Variants in EWSR1 observed in about 807,000 individuals in gnomAD.
EWSR1 encodes the protein RNA-binding protein EWS.
A neutral mutation model predicts 92.1 loss-of-function variants in EWSR1; 14 were observed. That is an observed-to-expected ratio of 0.15 (90% CI 0.10 to 0.24). The LOEUF is 0.24. Ranked by LOEUF, EWSR1 falls within the 10% of genes least tolerant of loss-of-function variation. The probability of loss-of-function intolerance (pLI) is 1.00; values close to 1 mark genes in which losing one functional copy is unlikely to be tolerated. For synonymous variants in EWSR1, 303 were observed against 292.9 expected, an observed-to-expected ratio of 1.03 and a Z score of -0.35; for missense variants, 637 against 870.9, an observed-to-expected ratio of 0.73 and a Z score of 3.38.
At chr22:29,294,742 C>T (rs1239556392) in intron 11 of EWSR1, among the ~76,000 whole-genome samples, 4 of 151,986 alleles carry the variant, frequency 2.6e-5, no homozygotes, top group Admixed American at 6.5e-5. Flanking sequence ...GGTGAAACCC[C>T]GTATCTACTA....
rs1022342492 is a variant in EWSR1 at position 29,299,460 on chromosome 22, T to C, written c.1678+129T>C. ...GAGTTGTCGTGTCCTCATTTCTAAA[T>C]TGTCAGCCCGATGCCGAGATTGAGT... On this transcript the variant is annotated intron_variant, in intron 15 of 16. Coordinates refer to ENST00000397938, the MANE Select transcript of EWSR1 (RefSeq NM_005243.4). The C allele has an allele frequency of 6.7e-6, 10 of 1,489,340 alleles. No homozygotes were observed. The African/African-American group carries it at 1.1e-4, about 17-fold the overall frequency. 92.3% of individuals were successfully genotyped at this position (1,489,340 alleles called of 1,614,324 possible). A position where few individuals can be genotyped will look rare whatever the true frequency, so the allele number is the denominator to read the frequency against.
At chr22:29,293,482 A>G (rs778626679) in intron 11 of EWSR1, among the ~76,000 whole-genome samples, 11 of 152,228 alleles carry the variant, frequency 7.2e-5, no homozygotes, top group Non-Finnish European at 1.6e-4. Flanking sequence ...CTATGAAGTA[A>G]TTTCAGGAGA....
chr22:29,268,335 A>G lies in EWSR1; in HGVS notation c.-2A>G, dbSNP rs1401933662. Reference sequence around the variant, plus strand: ...TGAGAGAACGAGGAGGAAGGAGAGAAAATGGCGTCCACGGGTGAGTATGGT... The same window carrying G: ...TGAGAGAACGAGGAGGAAGGAGAGAGAATGGCGTCCACGGGTGAGTATGGT... On this transcript the variant is annotated 5_prime_UTR_variant, in exon 1 of 17. Transcript: ENST00000397938. 6.2e-7 allele frequency: 1 copy of G among 1,613,988 alleles called. No homozygotes were observed. Among genetic ancestry groups the G allele is most frequent in the Non-Finnish European group, 8.5e-7 (1 of 1,179,990 alleles).
chr22:29,292,781 T>G (rs1164644277), intron 11 of EWSR1, among the ~76,000 whole-genome samples, 175 bp downstream of exon 11: 8 of 90,520 alleles, frequency 8.8e-5, no homozygotes, highest in African/African-American at 2.0e-4. Flanking sequence ...TTTTTTTTTT[T>G]GAGACGGAGT....
chr22:29,298,884 G>C lies in EWSR1; in HGVS notation c.1569G>C (p.Gln523His). The change falls in exon 14 of 17, where the codon CAG becomes CAC. Residue 523 changes from glutamine to histidine, a missense_variant. Transcript: ENST00000397938. ...TCCAGCACCGAGCTGGAGACTGGCA[G>C]TGTCCCAATCCGTATGTACTTGTCT... The part of the protein sequence containing the change: ...GNVQHRAGDW[Q>H]CPNPGCGNQN... 6.4e-7 allele frequency: 1 copy of C among 1,553,396 alleles called. No homozygotes were observed. The highest frequency in any genetic ancestry group is 1.7e-4 in the Middle Eastern group (1 of 5,744).
intron 1 of EWSR1, among the ~76,000 whole-genome samples, chr22:29,268,997 G>A (rs2058404916): frequency 6.6e-6 from 1 of 152,140 alleles, no homozygotes. Flanking sequence ...CCTCCTCCAG[G>A]GCCCCCAGTT....
At chr22:29,295,421 A>C (rs1463072733) in intron 11 of EWSR1, 1 of 210,598 alleles carries the variant, frequency 4.7e-6, no homozygotes, top group Non-Finnish European at 9.6e-6. Context: ...TGAGCCCAGG[A>C]GTTTGAGACC....
At chr22:29,287,665 AAAAAG>A (rs1451743362) in intron 7 of EWSR1, among the ~76,000 whole-genome samples, 1 of 152,196 alleles carries the variant, frequency 6.6e-6, no homozygotes, top group Non-Finnish European at 1.5e-5. Context: ...TGCCTTGGCA[AAAAAG>A]AAAAGAGATA....
intron 7 of EWSR1, among the ~76,000 whole-genome samples, chr22:29,287,466 C>G (rs1380850544): frequency 2.6e-5 from 4 of 152,186 alleles, no homozygotes; most frequent in Non-Finnish European, 5.9e-5. Context: ...CCTCAGCCAC[C>G]CAGAGTGTTG....
In EWSR1 at chr22:29,299,673, G is replaced by A. The variant is rs751324003; in HGVS notation, c.1753G>A (p.Gly585Ser). Residue 585 changes from glycine to serine, a missense_variant, in exon 16 of 17, where the codon GGT becomes AGT. Gly to Ser is a moderately conservative substitution (Grantham distance 56, BLOSUM62 0). This residue lies in a region of EWSR1 where 363 missense variants were observed against 447.8 expected (regional missense o/e 0.81). Coordinates refer to ENST00000397938, the MANE Select transcript of EWSR1 (RefSeq NM_005243.4). ...TGGCCTCATGGATCGTGGTGGTCCC[G>A]GTGGAATGTTCAGAGGTGGCCGTGG... Reference protein sequence around the residue: ...RGGLMDRGGPGGMFRGGRGGD... With the variant: ...RGGLMDRGGPSGMFRGGRGGD... 5.7e-5 allele frequency: 92 copies of A among 1,612,166 alleles called. 1 individual carries two copies. In the South Asian group the frequency reaches 6.9e-4, roughly 12 times the overall value.
intron 6 of EWSR1, among the ~76,000 whole-genome samples, chr22:29,284,508 C>A (rs975857671): frequency 6.6e-6 from 1 of 151,276 alleles, no homozygotes; most frequent in Non-Finnish European, 1.5e-5. Flanking sequence ...AGAGCAGGTT[C>A]GTACCTATTG....
chr22:29,288,089 G>C (rs999046180), intron 7 of EWSR1, among the ~76,000 whole-genome samples: 3 of 152,200 alleles, frequency 2.0e-5, no homozygotes, highest in Non-Finnish European at 4.4e-5. Flanking sequence ...AATATTTGCA[G>C]TTCTTCTGTA....
intron 4 of EWSR1, chr22:29,274,163 A>G (rs1255947827): frequency 1.6e-6 from 2 of 1,240,430 alleles, no homozygotes; most frequent in East Asian, 2.3e-5. Flanking sequence ...CTGAGTAAGA[A>G]TGAGTCTTCT....
intron 7 of EWSR1, 106 bp downstream of exon 7, chr22:29,287,240 C>T (rs1409820299): frequency 3.6e-6 from 4 of 1,124,810 alleles, no homozygotes; most frequent in Middle Eastern, 2.3e-4. Context: ...TGGAGTTTCA[C>T]TCTTGGGGCT....
At chr22:29,283,357 G>A (rs2059762093) in intron 6 of EWSR1, among the ~76,000 whole-genome samples, 1 of 151,902 alleles carries the variant, frequency 6.6e-6, no homozygotes. Context: ...TTATCGCCTG[G>A]CCAAGTTTTC....
At chr22:29,278,900 CAGG>C (rs1437188069) in intron 5 of EWSR1, among the ~76,000 whole-genome samples, 1 of 150,804 alleles carries the variant, frequency 6.6e-6, no homozygotes, top group Non-Finnish European at 1.5e-5. Flanking sequence ...GAGGCTGAGG[CAGG>C]AGAATTACTT....
chr22:29,285,322 A>G (rs551437734), intron 6 of EWSR1, among the ~76,000 whole-genome samples: 11 of 149,982 alleles, frequency 7.3e-5, no homozygotes, highest in East Asian at 3.9e-4. Context: ...GGGTTTCACT[A>G]TGTTGGTCAG....
chr22:29,282,210 G>A (rs989214579), intron 5 of EWSR1, among the ~76,000 whole-genome samples, 180 bp from the exon 6 acceptor site: 4 of 152,102 alleles, frequency 2.6e-5, no homozygotes, highest in South Asian at 2.1e-4. Flanking sequence ...TAGTTGGACC[G>A]ACACTGAGTT....
rs765104729 is a variant in EWSR1, at chr22:29,292,124, T to G, written c.1013-13T>G. ...CACTAATAATATTTTATATGATCTT[T>G]CCTGGTTGGCAGGACCCATGGATGA... is the stretch of plus-strand genomic sequence containing the variant. On this transcript the variant is annotated splice_polypyrimidine_tract_variant and intron_variant, in intron 9 of 16. Transcript: ENST00000397938. 6.2e-7 allele frequency: 1 copy of G among 1,613,260 alleles called. No individual in the cohort carries two copies. The highest frequency in any genetic ancestry group is 8.5e-7 in the Non-Finnish European group (1 of 1,179,206).
Sources: gnomAD v4.1 joint callset for allele counts (sites outside exome capture counted in the v4.1 genomes callset) on GRCh38, gnomAD v4.1.1 for gene constraint, gnomAD v4.1.1 regional missense constraint, MANE v1.5 for transcripts, NCBI Gene and HGNC (gene_info 2026-07-23, HGNC 2026-07-21) for gene names.